TBC1D22A: variants seen among roughly 807,000 people sequenced by gnomAD.
TBC1D22A encodes TBC1 domain family member 22A, also known as putative GTPase activator.
A neutral mutation model predicts 60.2 loss-of-function variants in TBC1D22A; 38 were observed. The observed-to-expected ratio is 0.63, with a 90% CI of 0.49 to 0.83. The LOEUF is 0.83. Among genes scored for constraint, TBC1D22A ranks in the 40% least tolerant of loss-of-function variants. The pLI is 0.00. For synonymous variants in TBC1D22A, 302 were observed against 281.7 expected (o/e 1.07, Z -0.72); for missense variants, 628 against 701.0 (o/e 0.90, Z 1.18).
At chr22:47,066,882 G>A (rs575070976) in intron 11 of TBC1D22A, among the ~76,000 whole-genome samples, 3 of 152,232 alleles carry the variant, frequency 2.0e-5, no homozygotes, top group South Asian at 2.1e-4. Context: ...ATCCTGTCTC[G>A]AATGGGCCGT....
intron 8 of TBC1D22A, among the ~76,000 whole-genome samples, chr22:46,968,182 C>T (rs180838497): frequency 1.5e-4 from 23 of 152,310 alleles, no homozygotes; most frequent in Admixed American, 1.5e-3. Flanking sequence ...TGGAGCTGCA[C>T]AAGGGAGGCT....
chr22:46,946,231 C>T (rs1249096827), intron 8 of TBC1D22A, among the ~76,000 whole-genome samples: 1 of 152,238 alleles, frequency 6.6e-6, no homozygotes, highest in Admixed American at 6.5e-5. Context: ...TGACAGTACC[C>T]GCTTGGGCCT....
intron 4 of TBC1D22A, among the ~76,000 whole-genome samples, chr22:46,845,117 G>C (rs2147243747): frequency 6.6e-6 from 1 of 152,324 alleles, no homozygotes; most frequent in Non-Finnish European, 1.5e-5. Context: ...CCATTTTGGT[G>C]AGACGAGGAA....
chr22:46,910,859 G>A (rs1191136834), intron 7 of TBC1D22A, among the ~76,000 whole-genome samples: 1 of 149,168 alleles, frequency 6.7e-6, no homozygotes, highest in Non-Finnish European at 1.5e-5. Context: ...CCCAGGGTGC[G>A]GGCGTGGCAG....
At chr22:46,920,756 A>G (rs1228194552) in intron 8 of TBC1D22A, among the ~76,000 whole-genome samples, 2 of 147,624 alleles carry the variant, frequency 1.4e-5, no homozygotes, top group Admixed American at 1.4e-4. Context: ...TTATTTTTTG[A>G]AGTTAACATT....
chr22:46,789,140 T>C (rs801608), intron 1 of TBC1D22A: 6,007 of 152,650 alleles, frequency 0.039, 416 homozygotes, highest in African/African-American at 0.14. Flanking sequence ...TTTTTTTTTT[T>C]TTTTTGAGAC....
chr22:47,040,410 A>T (rs1156499377), intron 11 of TBC1D22A, among the ~76,000 whole-genome samples: 2 of 152,212 alleles, frequency 1.3e-5, no homozygotes, highest in Non-Finnish European at 2.9e-5. Flanking sequence ...TGGTGGGGAC[A>T]CAGATCCAAA....
At chr22:47,122,348 A>G (rs1276697975) in intron 12 of TBC1D22A, among the ~76,000 whole-genome samples, 1 of 152,202 alleles carries the variant, frequency 6.6e-6, no homozygotes, top group East Asian at 1.9e-4. Flanking sequence ...GCCACATTTC[A>G]TTCATGGGCC....
intron 8 of TBC1D22A, among the ~76,000 whole-genome samples, chr22:46,947,708 C>T (rs985965853): frequency 2.0e-5 from 3 of 147,738 alleles, no homozygotes; most frequent in Non-Finnish European, 4.5e-5. Context: ...CCCTTTCTCC[C>T]TCCCTCTTCC....
chr22:47,048,968 C>G (rs959178845), intron 11 of TBC1D22A, among the ~76,000 whole-genome samples: 1 of 152,170 alleles, frequency 6.6e-6, no homozygotes, highest in African/African-American at 2.4e-5. Flanking sequence ...TGGAAGAAAT[C>G]CAAAAAGGAA....
intron 12 of TBC1D22A, among the ~76,000 whole-genome samples, chr22:47,156,487 G>A: frequency 6.6e-6 from 1 of 152,148 alleles, no homozygotes; most frequent in South Asian, 2.1e-4. Context: ...CTCGGACATG[G>A]TGGGTGTGGA....
chr22:47,171,279 C>T (rs552418164), intron 12 of TBC1D22A, among the ~76,000 whole-genome samples: 35 of 152,334 alleles, frequency 2.3e-4, no homozygotes, highest in Admixed American at 3.9e-4. Flanking sequence ...ATGGGCATCC[C>T]GAGCCTGTGG....
At chr22:47,000,950 C>T (rs540168728) in intron 10 of TBC1D22A, among the ~76,000 whole-genome samples, 2 of 152,108 alleles carry the variant, frequency 1.3e-5, no homozygotes, top group Non-Finnish European at 2.9e-5. Context: ...ATGCCCAGCT[C>T]TAAAGCCACC....
At chr22:46,886,803 C>T (rs1399512355) in intron 5 of TBC1D22A, among the ~76,000 whole-genome samples, 1 of 152,180 alleles carries the variant, frequency 6.6e-6, no homozygotes, top group Non-Finnish European at 1.5e-5. Flanking sequence ...GCCATGTGGT[C>T]TCCTGTAGCC....
At chr22:47,003,871 C>G (rs1179370221) in intron 10 of TBC1D22A, among the ~76,000 whole-genome samples, 1 of 144,840 alleles carries the variant, frequency 6.9e-6, no homozygotes, top group South Asian at 2.3e-4. Flanking sequence ...ACACACCCAC[C>G]AGATACATAT....
intron 8 of TBC1D22A, among the ~76,000 whole-genome samples, chr22:46,941,705 GCGGAATATATATACGCGGAATGTATATA>G (rs1569249209): frequency 1.1e-4 from 12 of 107,208 alleles, no homozygotes; most frequent in Admixed American, 8.1e-4. Flanking sequence ...GATTATATAT[GCGGAATATATATACGCGGAATGTATATA>G]CGGAATATAT....
chr22:46,984,094 C>T (rs12158051), intron 9 of TBC1D22A, among the ~76,000 whole-genome samples: 1,570 of 152,008 alleles, frequency 0.01, 29 homozygotes, highest in African/African-American at 0.036. Flanking sequence ...GGGCTGGGCA[C>T]GGTGGCTCAT....
Position 46,999,306 on chromosome 22 carries a change from A to G in TBC1D22A, c.1201+1597A>G, listed in dbSNP as rs61130982. On this transcript the variant is annotated intron_variant, in intron 10 of 12. Coordinates refer to ENST00000337137, the MANE Select transcript of TBC1D22A (RefSeq NM_014346.5). The stretch of plus-strand genomic sequence containing the variant: ...GTACTTTTTAGTAAATCATATTTTT[A>G]TTTTCAGCGCAGTCTCTGAGTAGGC... Among the ~76,000 whole-genome samples, 469 of 152,240 alleles carry G rather than the reference A, an allele frequency of 3.1e-3. 1 individual carries two copies. Among genetic ancestry groups the G allele is most frequent in the African/African-American group, 0.011 (440 of 41,544 alleles).
At chr22:47,069,960 G>GGAGCTGACCTGACGGTTCCAGA (rs1569416329) in intron 11 of TBC1D22A, among the ~76,000 whole-genome samples, 13 of 110,216 alleles carry the variant, frequency 1.2e-4, no homozygotes, top group East Asian at 4.9e-4. Context: ...CGGTCCCAGC[G>GGAGCTGACCTGACGGTTCCAGA]CTGTCCCCTG....
Sources: gnomAD v4.1 joint callset for allele counts (sites outside exome capture counted in the v4.1 genomes callset) on GRCh38, gnomAD v4.1.1 for gene constraint, MANE v1.5 for transcripts, NCBI Gene and HGNC (gene_info 2026-07-23, HGNC 2026-07-21) for gene names.